Variants in CAPN8 observed in about 807,000 individuals in gnomAD.
CAPN8 encodes calpain-8.
CAPN8 carries 87 observed loss-of-function variants against 80.9 expected under a neutral mutation model. That is an observed-to-expected ratio of 1.07 (90% confidence interval 0.90 to 1.28). CAPN8 has a LOEUF of 1.28. Ranked by LOEUF, CAPN8 falls within the 50% of genes most tolerant of loss-of-function variation. The probability of loss-of-function intolerance (pLI) is 0.00; values close to 1 mark genes in which losing one functional copy is unlikely to be tolerated. For synonymous variants in CAPN8, 299 were observed against 273.8 expected, an observed-to-expected ratio of 1.09 and a Z score of -0.91; for missense variants, 757 against 702.0, an observed-to-expected ratio of 1.08 and a Z score of -0.89.
intron 2 of CAPN8, among the ~76,000 whole-genome samples, chr1:223,635,389 A>T (rs1244218082): frequency 6.6e-6 from 1 of 152,152 alleles, no homozygotes; most frequent in Non-Finnish European, 1.5e-5. Context: ...CTCCTTGCAG[A>T]GCAGGGCTAA....
At chr1:223,631,201 C>A (rs1171935336) in intron 2 of CAPN8, among the ~76,000 whole-genome samples, 1 of 152,126 alleles carries the variant, frequency 6.6e-6, no homozygotes, top group Non-Finnish European at 1.5e-5. Context: ...GAATCTTACC[C>A]CTTCTCCATG....
chr1:223,629,558 G>A (rs538464866), intron 2 of CAPN8, among the ~76,000 whole-genome samples: 3 of 152,280 alleles, frequency 2.0e-5, no homozygotes, highest in East Asian at 1.9e-4. Context: ...GGGAGGCATC[G>A]TTGTCCCTTG....
chr1:223,661,260 C>T (rs1658637847), intron 1 of CAPN8, among the ~76,000 whole-genome samples: 1 of 151,982 alleles, frequency 6.6e-6, no homozygotes, highest in Non-Finnish European at 1.5e-5. Context: ...TGCTCACCAT[C>T]ACTGATCTTT....
At chr1:223,654,612 G>C (rs1658428638) in intron 1 of CAPN8, among the ~76,000 whole-genome samples, 3 of 152,302 alleles carry the variant, frequency 2.0e-5, no homozygotes, top group South Asian at 4.1e-4. Flanking sequence ...CAGAGCAGAA[G>C]CTGGAGTCCA....
At chr1:223,658,033 C>A (rs1159541042) in intron 1 of CAPN8, among the ~76,000 whole-genome samples, 9 of 152,108 alleles carry the variant, frequency 5.9e-5, no homozygotes, top group African/African-American at 2.2e-4. Context: ...CTGTGCTTAC[C>A]CCTAAGTATC....
chr1:223,628,599 G>C (rs1657672514), intron 3 of CAPN8, 63 bp downstream of exon 3: 2 of 1,284,880 alleles, frequency 1.6e-6, no homozygotes, highest in African/African-American at 1.5e-5. Flanking sequence ...TGACGCAGTG[G>C]ACCTGCAGTG....
At chr1:223,555,984 A>G (rs917647352) in intron 13 of CAPN8, among the ~76,000 whole-genome samples, 7 of 152,244 alleles carry the variant, frequency 4.6e-5, no homozygotes, top group Non-Finnish European at 1.0e-4. Flanking sequence ...GATACAATCT[A>G]TATGAAAATG....
At chr1:223,611,375 G>A (rs1199783606) in intron 11 of CAPN8, among the ~76,000 whole-genome samples, 1 of 152,098 alleles carries the variant, frequency 6.6e-6, no homozygotes, top group Non-Finnish European at 1.5e-5. Flanking sequence ...CCTTTCCATG[G>A]CAACAACCTG....
chr1:223,638,823 G>A (rs971262509), intron 2 of CAPN8, among the ~76,000 whole-genome samples: 3 of 152,200 alleles, frequency 2.0e-5, no homozygotes, highest in East Asian at 1.9e-4. Flanking sequence ...ACCTGCCTGC[G>A]CTGAGTCAGA....
At chr1:223,634,674 T>C (rs1213300870) in intron 2 of CAPN8, among the ~76,000 whole-genome samples, 1 of 152,208 alleles carries the variant, frequency 6.6e-6, no homozygotes, top group Non-Finnish European at 1.5e-5. Flanking sequence ...TAAATGGCTG[T>C]CTTCCAGTTG....
chr1:223,660,914 C>G (rs1375122677), intron 1 of CAPN8, among the ~76,000 whole-genome samples: 3 of 152,198 alleles, frequency 2.0e-5, no homozygotes, highest in Non-Finnish European at 4.4e-5. Context: ...CACCTGTAAT[C>G]CCAACATTTT....
chr1:223,664,396 A>T (rs1394924277), intron 1 of CAPN8, among the ~76,000 whole-genome samples: 1 of 152,258 alleles, frequency 6.6e-6, no homozygotes, highest in Non-Finnish European at 1.5e-5. Context: ...CCCAGGGACC[A>T]TATGCAGTAA....
At chr1:223,664,748 G>A (rs1355024734) in intron 1 of CAPN8, among the ~76,000 whole-genome samples, 1 of 152,078 alleles carries the variant, frequency 6.6e-6, no homozygotes, top group Non-Finnish European at 1.5e-5. Context: ...GACCACCCTG[G>A]GCAACACAGC....
At position 223,558,138 on chromosome 1, in the gene CAPN8, G is replaced by A. The variant is rs1656947253; in HGVS notation, c.1565C>T (p.Pro522Leu). The change falls in exon 13 of 21, where the codon CCA (proline) becomes CTA (leucine). Residue 522 changes from proline to leucine, a missense_variant. Pro to Leu is a moderately conservative substitution (Grantham distance 98, BLOSUM62 -3). Transcript: ENST00000366872. ...LEIGDVVAGN[P>L]YEPHPSEVDQ... is the part of the protein sequence containing the mutation. Reference sequence around the variant, plus strand: ...TACAAAAAGATTGCATACCTCATATGGGTTTCCAGCTACCACATCCCCAAT... The same window carrying A: ...TACAAAAAGATTGCATACCTCATATAGGTTTCCAGCTACCACATCCCCAAT... 1 of 398,474 alleles carries A rather than the reference G, an allele frequency of 2.5e-6. No individual in the cohort carries two copies. The highest frequency in any genetic ancestry group is 4.4e-6 in the Non-Finnish European group (1 of 226,054). The allele number at this position is 398,474 out of a possible 1,614,324, so 24.7% of individuals were successfully genotyped here. A position where few individuals can be genotyped will look rare whatever the true frequency, so the allele number is the denominator to read the frequency against.
At chr1:223,628,182 C>G (rs1209110923) in intron 3 of CAPN8, 40 bp from the exon 4 acceptor site, 2 of 1,514,724 alleles carry the variant, frequency 1.3e-6, no homozygotes, top group South Asian at 2.5e-5. Flanking sequence ...CATGAATAAG[C>G]AGATGTGTAA....
At chr1:223,624,587 G>A (rs898857328) in intron 6 of CAPN8, among the ~76,000 whole-genome samples, 1 of 152,052 alleles carries the variant, frequency 6.6e-6, no homozygotes, top group African/African-American at 2.4e-5. Flanking sequence ...GATGGCACTT[G>A]CCTGTAGTCC....
intron 5 of CAPN8, among the ~76,000 whole-genome samples, chr1:223,626,501 G>T (rs1414492792): frequency 6.6e-6 from 1 of 152,092 alleles, no homozygotes; most frequent in Non-Finnish European, 1.5e-5. Flanking sequence ...GGGGCCTCCA[G>T]CCTCTGTTTC....
intron 10 of CAPN8, 90 bp downstream of exon 10, chr1:223,615,880 A>G (rs1572231956): frequency 6.8e-7 from 1 of 1,466,876 alleles, no homozygotes; most frequent in Non-Finnish European, 9.3e-7. Flanking sequence ...ATACTCCAGC[A>G]ATAGGAAAGA....
At chr1:223,654,914 A>AC (rs1451133865) in intron 1 of CAPN8, among the ~76,000 whole-genome samples, 1 of 146,856 alleles carries the variant, frequency 6.8e-6, no homozygotes, top group Non-Finnish European at 1.5e-5. Context: ...CTGATGTTGA[A>AC]CTGACCTCAA....
Sources: allele counts gnomAD v4.1 joint callset (sites outside exome capture counted in the v4.1 genomes callset), GRCh38; gene constraint gnomAD v4.1.1; transcripts MANE v1.5; gene names NCBI Gene and HGNC (gene_info 2026-07-23, HGNC 2026-07-21).